The following ANO10 variants were observed in gnomAD, a reference collection of about 807,000 sequenced individuals.
The protein encoded by ANO10 is anoctamin 10.
A neutral mutation model predicts 74.7 loss-of-function variants in ANO10; 77 were observed. The ratio of observed to expected loss-of-function variants is 1.03; its 90% CI spans 0.86 to 1.25. The LOEUF is 1.25. Ranked by LOEUF, ANO10 falls within the 50% of genes most tolerant of loss-of-function variation. The pLI, the probability that ANO10 is intolerant of heterozygous loss-of-function variation, is 0.00. For missense variants in ANO10, 721 were observed against 778.1 expected (o/e 0.93, Z 0.87); for synonymous variants, 279 against 284.9 (o/e 0.98, Z 0.21).
At chr3:43,656,709 G>A (rs372935569) in intron 1 of ANO10, among the ~76,000 whole-genome samples, 2 of 152,198 alleles carry the variant, frequency 1.3e-5, no homozygotes, top group African/African-American at 2.4e-5. Flanking sequence ...AGGGCCGGCC[G>A]GCTGCTCTGA....
chr3:43,635,600 A>G (rs993977975), intron 1 of ANO10, among the ~76,000 whole-genome samples: 4 of 151,680 alleles, frequency 2.6e-5, no homozygotes, highest in South Asian at 2.1e-4. Context: ...TTTAGTTCGT[A>G]TAATCTGGTA....
chr3:43,526,269 T>C (rs2149232824), intron 11 of ANO10, among the ~76,000 whole-genome samples: 1 of 152,340 alleles, frequency 6.6e-6, no homozygotes, highest in Admixed American at 6.5e-5. Context: ...ATCTTTATAT[T>C]TTATTAATCT....
chr3:43,476,314 T>C (rs1054162365), intron 11 of ANO10, among the ~76,000 whole-genome samples: 1 of 152,180 alleles, frequency 6.6e-6, no homozygotes, highest in African/African-American at 2.4e-5. Flanking sequence ...CTTGGTGATA[T>C]CCATGTACCC....
intron 11 of ANO10, among the ~76,000 whole-genome samples, chr3:43,509,117 G>A (rs2077413584): frequency 1.3e-5 from 2 of 151,498 alleles, no homozygotes; most frequent in Admixed American, 6.6e-5. Flanking sequence ...CTATTGCAAG[G>A]ACAGAAAACC....
intron 1 of ANO10, among the ~76,000 whole-genome samples, chr3:43,655,104 A>C (rs1387950842): frequency 6.6e-6 from 1 of 152,244 alleles, no homozygotes; most frequent in African/African-American, 2.4e-5. Context: ...ACGTATACAC[A>C]GTAAAACTAG....
intron 1 of ANO10, among the ~76,000 whole-genome samples, chr3:43,643,683 C>CTTTTTTTT (rs61487906): frequency 1.9e-5 from 2 of 104,720 alleles, no homozygotes; most frequent in African/African-American, 7.8e-5. Flanking sequence ...CTCATCTTTT[C>CTTTTTTTT]TTTTTTTTTT....
intron 9 of ANO10, among the ~76,000 whole-genome samples, chr3:43,559,609 G>A (rs146191127): frequency 0.011 from 1,660 of 152,222 alleles, 17 homozygotes; most frequent in African/African-American, 0.025. Flanking sequence ...ACCAGGTGAT[G>A]GCTGGTGACA....
chr3:43,519,158 C>T (rs967972019), intron 11 of ANO10, among the ~76,000 whole-genome samples: 8 of 152,088 alleles, frequency 5.3e-5, no homozygotes, highest in South Asian at 2.1e-4. Flanking sequence ...AGAAAAGAAC[C>T]TACGTTGAAA....
intron 11 of ANO10, among the ~76,000 whole-genome samples, chr3:43,477,118 A>T (rs2076095353): frequency 6.6e-6 from 1 of 152,220 alleles, no homozygotes; most frequent in Admixed American, 6.5e-5. Flanking sequence ...CCTAGAGACA[A>T]GCCCTGTTAT....
chr3:43,633,806 T>C lies in ANO10; in HGVS notation c.-11-27943A>G, dbSNP rs575115739. 6.6e-5 allele frequency among the ~76,000 whole-genome samples: 10 copies of C among 152,028 alleles called. No homozygotes were observed. The South Asian group carries it at 1.9e-3, about 28-fold the overall frequency. ...GCAGTCAGCATGGGCTTCATATTTG[T>C]GTCAGTTCTCCTTACTCCTCAAGTC... On this transcript the variant is annotated intron_variant, in intron 1 of 3. Coordinates refer to the ANO10 transcript ENST00000413397.
At chr3:43,612,293 C>A (rs985266474) in intron 1 of ANO10, among the ~76,000 whole-genome samples, 2 of 151,294 alleles carry the variant, frequency 1.3e-5, no homozygotes, top group Admixed American at 1.3e-4. Context: ...GCTGTCTTTG[C>A]AATCTGTCTC....
intron 11 of ANO10, among the ~76,000 whole-genome samples, chr3:43,504,683 C>T (rs780879247): frequency 3.3e-5 from 5 of 152,006 alleles, no homozygotes; most frequent in Non-Finnish European, 7.4e-5. Flanking sequence ...CACTCTGTCA[C>T]CCAGGCTGAG....
chr3:43,392,179 T>C (rs1286729683), intron 12 of ANO10, among the ~76,000 whole-genome samples: 2 of 152,192 alleles, frequency 1.3e-5, no homozygotes, highest in East Asian at 1.9e-4. Flanking sequence ...AAAAAAATTT[T>C]ATTGTTAAAA....
intron 8 of ANO10, among the ~76,000 whole-genome samples, chr3:43,561,769 G>A (rs1004039489): frequency 1.3e-5 from 2 of 152,176 alleles, no homozygotes; most frequent in East Asian, 1.9e-4. Context: ...ATCTGACTGC[G>A]ATACATTTTA....
At chr3:43,686,596 T>A (rs1342688361) in intron 1 of ANO10, among the ~76,000 whole-genome samples, 1 of 152,176 alleles carries the variant, frequency 6.6e-6, no homozygotes, top group African/African-American at 2.4e-5. Context: ...CAAACTCTCA[T>A]CTTTATAGAT....
intron 1 of ANO10, chr3:43,689,461 A>C (rs2084322319): frequency 6.6e-6 from 1 of 152,210 alleles, no homozygotes; most frequent in African/African-American, 2.4e-5. Flanking sequence ...CCCTTTCATG[A>C]AACAACCAGG....
chr3:43,637,363 G>A (rs1258072698), intron 1 of ANO10, among the ~76,000 whole-genome samples: 2 of 151,842 alleles, frequency 1.3e-5, no homozygotes, highest in South Asian at 4.2e-4. Context: ...AGCCACTCGG[G>A]AGATTGAGGC....
At chr3:43,586,475 C>T (rs1411604664) in intron 4 of ANO10, among the ~76,000 whole-genome samples, 1 of 152,050 alleles carries the variant, frequency 6.6e-6, no homozygotes, top group Non-Finnish European at 1.5e-5. Context: ...GGACCCTTCT[C>T]TCTCCCACAC....
At chr3:43,490,084 C>T (rs1413860747) in intron 11 of ANO10, among the ~76,000 whole-genome samples, 7 of 152,282 alleles carry the variant, frequency 4.6e-5, no homozygotes, top group East Asian at 1.9e-4. Flanking sequence ...CCGTTCTCAA[C>T]GTGATACATG....
Sources: allele counts gnomAD v4.1 joint callset (sites outside exome capture counted in the v4.1 genomes callset), GRCh38; gene constraint gnomAD v4.1.1; transcripts MANE v1.5; gene names NCBI Gene and HGNC (gene_info 2026-07-23, HGNC 2026-07-21).